The following PLCE1 variants were observed in gnomAD, a reference collection of about 807,000 sequenced individuals.
The protein encoded by PLCE1 is phospholipase C epsilon 1, also known as 1-phosphatidylinositol 4,5-bisphosphate phosphodiesterase epsilon-1.
Under a neutral mutation model 242.8 loss-of-function variants are expected in PLCE1, and 119 were observed. That is an observed-to-expected ratio of 0.49 (90% CI 0.42 to 0.57). The LOEUF (loss-of-function observed/expected upper bound fraction) is 0.57, where lower values mean the gene tolerates loss of function less well. Among genes scored for constraint, PLCE1 ranks in the 20% least tolerant of loss-of-function variants. The pLI is 0.00. For missense variants in PLCE1, 2,441 were observed against 2,788.8 expected, an observed-to-expected ratio of 0.88 and a Z score of 2.81; for synonymous variants, 945 against 1,017.4, an observed-to-expected ratio of 0.93 and a Z score of 1.35.
intron 2 of PLCE1, among the ~76,000 whole-genome samples, chr10:94,102,811 G>T (rs556730558): frequency 6.6e-6 from 1 of 152,346 alleles, no homozygotes; most frequent in African/African-American, 2.4e-5. Context: ...CAGGAAGACA[G>T]AATGGGACAG....
chr10:94,289,508 G>GACA (rs1309209270), intron 22 of PLCE1, among the ~76,000 whole-genome samples: 1 of 152,182 alleles, frequency 6.6e-6, no homozygotes, highest in African/African-American at 2.4e-5. Context: ...AGTGAACTTA[G>GACA]ACAAAGCTAC....
At chr10:94,063,301 G>A (rs572873415) in intron 2 of PLCE1, among the ~76,000 whole-genome samples, 3 of 152,044 alleles carry the variant, frequency 2.0e-5, no homozygotes, top group Non-Finnish European at 2.9e-5. Context: ...TTACTTTCTC[G>A]TCGCTCTGTT....
At chr10:94,172,362 T>C (rs1033383226) in intron 4 of PLCE1, among the ~76,000 whole-genome samples, 13 of 152,224 alleles carry the variant, frequency 8.5e-5, no homozygotes, top group African/African-American at 3.1e-4. Flanking sequence ...TTGTTTTGTG[T>C]ATTCAATCAC....
chr10:94,009,398 A>G (rs1430763876), intron 1 of PLCE1, among the ~76,000 whole-genome samples: 2 of 152,190 alleles, frequency 1.3e-5, no homozygotes, highest in African/African-American at 4.8e-5. Flanking sequence ...CTCTAATATT[A>G]GAGGTCACAA....
intron 4 of PLCE1, among the ~76,000 whole-genome samples, chr10:94,219,331 G>T (rs1210603983): frequency 1.3e-5 from 2 of 152,156 alleles, no homozygotes; most frequent in Admixed American, 1.3e-4. Context: ...TCATCAGAGG[G>T]CTTCAGGGAT....
intron 2 of PLCE1, among the ~76,000 whole-genome samples, chr10:94,116,556 G>A (rs904332677): frequency 7.2e-5 from 11 of 152,128 alleles, no homozygotes; most frequent in Admixed American, 5.9e-4. Context: ...CTAGCTGGGC[G>A]TGGTGGCAGG....
intron 20 of PLCE1, among the ~76,000 whole-genome samples, chr10:94,281,987 A>G (rs2052249542): frequency 6.6e-6 from 1 of 151,672 alleles, no homozygotes; most frequent in African/African-American, 2.4e-5. Context: ...TAGGGGGCCT[A>G]AAAGGTTTCC....
intron 4 of PLCE1, among the ~76,000 whole-genome samples, chr10:94,187,546 G>C (rs2048522081): frequency 1.3e-5 from 2 of 152,088 alleles, no homozygotes; most frequent in Non-Finnish European, 2.9e-5. Flanking sequence ...ATTACAGAGT[G>C]TGCTTTTGGA....
intron 2 of PLCE1, among the ~76,000 whole-genome samples, chr10:94,056,790 G>C (rs780930655): frequency 2.6e-5 from 4 of 152,202 alleles, no homozygotes; most frequent in Middle Eastern, 6.8e-3. Flanking sequence ...CCCATTAGCA[G>C]TCACCCCCAT....
At chr10:94,208,670 T>A (rs2049241694) in intron 4 of PLCE1, among the ~76,000 whole-genome samples, 1 of 152,228 alleles carries the variant, frequency 6.6e-6, no homozygotes, top group Non-Finnish European at 1.5e-5. Context: ...AGGAAAACTT[T>A]ATGTAAGGAC....
At chr10:94,098,945 T>C (rs530404960) in intron 2 of PLCE1, among the ~76,000 whole-genome samples, 1 of 152,340 alleles carries the variant, frequency 6.6e-6, no homozygotes, top group Non-Finnish European at 1.5e-5. Context: ...AGAGGTATAT[T>C]GAGAGCACAG....
rs1020354583 is a variant in PLCE1 at position 94,200,550 on chromosome 10, C to A, written c.1810-26756C>A. On this transcript the variant is annotated intron_variant, in intron 4 of 32. Transcript: ENST00000371380. ...GGGAGAATAAATGAAAGAGAATAGA[C>A]AAATCTGTGCAAAAGAACTCCAAAT... Among the ~76,000 whole-genome samples the A allele has an allele frequency of 2.0e-5, 3 of 152,088 alleles. No individual in the cohort carries two copies. In the South Asian group the frequency reaches 6.2e-4, roughly 32 times the overall value.
chr10:94,095,328 CTTTCTTTCTT>C (rs2045266768), intron 2 of PLCE1, among the ~76,000 whole-genome samples: 1 of 114,786 alleles, frequency 8.7e-6, no homozygotes, highest in African/African-American at 4.6e-5. Context: ...CAATTTCTTT[CTTTCTTTCTT>C]TCTTTCTTTC....
intron 2 of PLCE1, among the ~76,000 whole-genome samples, chr10:94,125,516 C>G (rs368135644): frequency 6.6e-6 from 1 of 152,068 alleles, no homozygotes; most frequent in African/African-American, 2.4e-5. Flanking sequence ...CCTCAGCCTC[C>G]GGAGTAGCTG....
At chr10:94,225,942 A>T (rs757125338) in intron 4 of PLCE1, among the ~76,000 whole-genome samples, 7 of 152,226 alleles carry the variant, frequency 4.6e-5, no homozygotes, top group Non-Finnish European at 7.3e-5. Context: ...TAGTCCAGAG[A>T]AAAGTGTTGC....
chr10:94,001,932 A>G (rs1015898046), intron 1 of PLCE1, among the ~76,000 whole-genome samples: 3 of 152,230 alleles, frequency 2.0e-5, no homozygotes, highest in African/African-American at 4.8e-5. Flanking sequence ...ATGAATTTGG[A>G]TGACAGAGCA....
intron 4 of PLCE1, among the ~76,000 whole-genome samples, chr10:94,197,449 A>G (rs10748622): frequency 0.32 from 48,090 of 152,014 alleles, 8,763 homozygotes; most frequent in African/African-American, 0.51. Context: ...CCCACCAACA[A>G]TGTATGAGGG....
intron 1 of PLCE1, among the ~76,000 whole-genome samples, chr10:94,008,416 C>CTTCT (rs2061092300): frequency 6.6e-6 from 1 of 152,056 alleles, no homozygotes; most frequent in Admixed American, 6.5e-5. Flanking sequence ...TCAAGCTATT[C>CTTCT]TTCTGCCTTA....
At chr10:94,221,424 C>T (rs1267478640) in intron 4 of PLCE1, among the ~76,000 whole-genome samples, 1 of 152,202 alleles carries the variant, frequency 6.6e-6, no homozygotes, top group African/African-American at 2.4e-5. Flanking sequence ...ATGTGCACTA[C>T]ACATAAACTA....
Sources: allele counts gnomAD v4.1 joint callset (sites outside exome capture counted in the v4.1 genomes callset), GRCh38; gene constraint gnomAD v4.1.1; transcripts MANE v1.5; gene names NCBI Gene and HGNC (gene_info 2026-07-23, HGNC 2026-07-21).